SLC6A11: variants seen among roughly 807,000 people sequenced by gnomAD.
SLC6A11 encodes solute carrier family 6 member 11.
SLC6A11 carries 25 observed loss-of-function variants against 74.8 expected under a neutral mutation model. The observed-to-expected ratio is 0.33, with a 90% CI of 0.24 to 0.47. The LOEUF is 0.47. Among genes scored for constraint, SLC6A11 ranks in the 20% least tolerant of loss-of-function variants. SLC6A11 has a pLI of 1.00. For synonymous variants in SLC6A11, 330 were observed against 330.2 expected (o/e 1.00, Z 0.01); for missense variants, 574 against 837.0 (o/e 0.69, Z 3.88).
intron 5 of SLC6A11, among the ~76,000 whole-genome samples, chr3:10,863,830 T>A (rs999813864): frequency 6.6e-6 from 1 of 152,052 alleles, no homozygotes; most frequent in Admixed American, 6.5e-5. Flanking sequence ...GTGAGATGAA[T>A]GTAGTTGGCT....
In SLC6A11 at chr3:10,875,005, C is replaced by A; in HGVS notation, c.801C>A (p.Ile267=). The change falls in exon 6 of 14, where the codon ATC becomes ATA. Residue 267 remains isoleucine (I), a synonymous_variant. Transcript: ENST00000254488. ...TATFPYIMLL[I]LLIRGVTLPG... ...CATTCCCCTACATCATGCTGCTGAT[C>A]CTCCTGATACGAGGGGTCACGTTGC... 1 of 1,613,622 alleles carries A rather than the reference C, an allele frequency of 6.2e-7. No homozygotes were observed. The highest frequency in any genetic ancestry group is 8.5e-7 in the Non-Finnish European group (1 of 1,179,730).
intron 5 of SLC6A11, among the ~76,000 whole-genome samples, chr3:10,844,581 C>T (rs1047130717): frequency 6.6e-6 from 1 of 152,082 alleles, no homozygotes; most frequent in African/African-American, 2.4e-5. Context: ...GATAATAAAG[C>T]CTTGCCCTGT....
At chr3:10,833,281 C>T (rs150632209) in intron 4 of SLC6A11, among the ~76,000 whole-genome samples, 4,006 of 152,254 alleles carry the variant, frequency 0.026, 84 homozygotes, top group Middle Eastern at 0.11. Flanking sequence ...AGGCTGGTCT[C>T]AAACTCCTGA....
At chr3:10,825,251 G>C (rs528799223) in intron 4 of SLC6A11, 6 of 151,514 alleles carry the variant, frequency 4.0e-5, no homozygotes, top group Non-Finnish European at 7.4e-5. Flanking sequence ...TTCACATTTT[G>C]GACAGCACTT....
chr3:10,896,294 C>A (rs1229694950), intron 6 of SLC6A11, among the ~76,000 whole-genome samples: 1 of 152,250 alleles, frequency 6.6e-6, no homozygotes, highest in African/African-American at 2.4e-5. Flanking sequence ...GCCCCACACA[C>A]CCTTCAAAGA....
chr3:10,913,467 TC>T (rs1695413863), intron 7 of SLC6A11, among the ~76,000 whole-genome samples: 1 of 152,224 alleles, frequency 6.6e-6, no homozygotes, highest in East Asian at 1.9e-4. Context: ...TTGTTTAGTT[TC>T]TTTTGTTTAA....
At chr3:10,842,687 A>G (rs550849306) in intron 4 of SLC6A11, among the ~76,000 whole-genome samples, 1 of 152,142 alleles carries the variant, frequency 6.6e-6, no homozygotes, top group South Asian at 2.1e-4. Context: ...TTTTTATCCT[A>G]GGCTCTAACA....
At chr3:10,884,935 T>A (rs1199637151) in intron 6 of SLC6A11, among the ~76,000 whole-genome samples, 3 of 152,180 alleles carry the variant, frequency 2.0e-5, no homozygotes, top group Middle Eastern at 3.2e-3. Context: ...GTCCCCCACT[T>A]TGAGAGTATC....
chr3:10,850,974 A>G (rs1348090003), intron 5 of SLC6A11, among the ~76,000 whole-genome samples: 1 of 152,136 alleles, frequency 6.6e-6, no homozygotes, highest in Non-Finnish European at 1.5e-5. Context: ...CTGGTTCCAT[A>G]TAAGATTTTG....
intron 6 of SLC6A11, among the ~76,000 whole-genome samples, chr3:10,907,279 A>AT (rs1695317288): frequency 6.6e-6 from 1 of 152,220 alleles, no homozygotes; most frequent in South Asian, 2.1e-4. Context: ...ATAACAGTGA[A>AT]TACAGACCAT....
intron 6 of SLC6A11, among the ~76,000 whole-genome samples, chr3:10,894,361 C>T (rs951749070): frequency 6.6e-6 from 1 of 152,184 alleles, no homozygotes; most frequent in Non-Finnish European, 1.5e-5. Context: ...GTAAGCAGGG[C>T]AGGCAGGTCA....
At chr3:10,936,107 T>C (rs1695757021) in intron 13 of SLC6A11, among the ~76,000 whole-genome samples, 1 of 152,208 alleles carries the variant, frequency 6.6e-6, no homozygotes, top group African/African-American at 2.4e-5. Context: ...TTTGAGTGGG[T>C]TTCTGCTTAT....
chr3:10,835,133 G>A (rs761829595), intron 4 of SLC6A11, among the ~76,000 whole-genome samples: 8 of 152,178 alleles, frequency 5.3e-5, no homozygotes, highest in Non-Finnish European at 1.2e-4. Context: ...AGACCACCTC[G>A]GAGGGGCCAG....
At chr3:10,884,394 C>G (rs1180900553) in intron 6 of SLC6A11, among the ~76,000 whole-genome samples, 1 of 152,152 alleles carries the variant, frequency 6.6e-6, no homozygotes, top group Non-Finnish European at 1.5e-5. Flanking sequence ...GAGCTAAATG[C>G]TATATATAGG....
At chr3:10,850,959 A>G (rs572673478) in intron 5 of SLC6A11, among the ~76,000 whole-genome samples, 37 of 152,264 alleles carry the variant, frequency 2.4e-4, no homozygotes, top group Middle Eastern at 3.4e-3. Context: ...CTTGTTCTGC[A>G]GGGCCTGGTT....
At chr3:10,853,000 T>G (rs1694595353) in intron 5 of SLC6A11, among the ~76,000 whole-genome samples, 1 of 152,114 alleles carries the variant, frequency 6.6e-6, no homozygotes, top group Admixed American at 6.5e-5. Flanking sequence ...TTGCCAACTG[T>G]GTGAGTTAGC....
intron 5 of SLC6A11, among the ~76,000 whole-genome samples, chr3:10,851,076 C>T (rs1283297242): frequency 1.3e-5 from 2 of 152,160 alleles, no homozygotes; most frequent in Non-Finnish European, 2.9e-5. Flanking sequence ...CCCTGCCCAG[C>T]GGACAGTCAG....
intron 8 of SLC6A11, among the ~76,000 whole-genome samples, chr3:10,920,159 G>C (rs951110096): frequency 3.9e-5 from 6 of 152,194 alleles, no homozygotes; most frequent in African/African-American, 1.4e-4. Context: ...CACTGCTGTT[G>C]CTCATTTTAT....
intron 5 of SLC6A11, among the ~76,000 whole-genome samples, chr3:10,871,191 T>A (rs548744846): frequency 5.9e-5 from 9 of 152,330 alleles, no homozygotes; most frequent in African/African-American, 1.7e-4. Context: ...TAAGTGACCC[T>A]CTTAATGACA....
Sources: gnomAD v4.1 joint callset for allele counts (sites outside exome capture counted in the v4.1 genomes callset) on GRCh38, gnomAD v4.1.1 for gene constraint, MANE v1.5 for transcripts, NCBI Gene and HGNC (gene_info 2026-07-23, HGNC 2026-07-21) for gene names.